The following ADAMTSL3 variants were observed in gnomAD, a reference collection of about 807,000 sequenced individuals.
ADAMTSL3 encodes the protein ADAMTS like 3.
In ADAMTSL3, 128 loss-of-function variants were observed where a neutral mutation model predicts 201.7. That is an observed-to-expected ratio of 0.63 (90% CI 0.55 to 0.73). The LOEUF (loss-of-function observed/expected upper bound fraction) is 0.73, where lower values mean the gene tolerates loss of function less well. ADAMTSL3 is among the 30% of genes least tolerant of loss of function. The probability of loss-of-function intolerance (pLI) is 0.00; values close to 1 mark genes in which losing one functional copy is unlikely to be tolerated. For synonymous variants in ADAMTSL3, 738 were observed against 748.4 expected, an observed-to-expected ratio of 0.99 and a Z score of 0.23; for missense variants, 1,990 against 2,119.6, an observed-to-expected ratio of 0.94 and a Z score of 1.20.
At chr15:83,880,383 G>A (rs941471619) in intron 9 of ADAMTSL3, among the ~76,000 whole-genome samples, 2 of 152,082 alleles carry the variant, frequency 1.3e-5, no homozygotes, top group Non-Finnish European at 2.9e-5. Context: ...CACTGTTTTT[G>A]TAAATAAAGT....
chr15:83,903,962 A>AGGGAGGG (rs2065785648), intron 15 of ADAMTSL3, among the ~76,000 whole-genome samples: 1 of 92,746 alleles, frequency 1.1e-5, no homozygotes, highest in Non-Finnish European at 2.1e-5. Flanking sequence ...GAAAGAAAGA[A>AGGGAGGG]AGAAAGAAAA....
At chr15:83,902,816 T>G (rs1379455454) in intron 15 of ADAMTSL3, among the ~76,000 whole-genome samples, 2 of 152,130 alleles carry the variant, frequency 1.3e-5, no homozygotes, top group Non-Finnish European at 2.9e-5. Flanking sequence ...CCCCTCTTAA[T>G]TGGGAGTGGC....
At chr15:83,959,480 A>G (rs1047053888) in intron 19 of ADAMTSL3, among the ~76,000 whole-genome samples, 3 of 152,346 alleles carry the variant, frequency 2.0e-5, no homozygotes, top group East Asian at 1.9e-4. Context: ...CAAGTCATTT[A>G]TTAGGGAAAG....
intron 9 of ADAMTSL3, among the ~76,000 whole-genome samples, chr15:83,879,257 C>G: frequency 6.6e-6 from 1 of 152,122 alleles, no homozygotes; most frequent in African/African-American, 2.4e-5. Flanking sequence ...TCATTAATAT[C>G]TGCCCCTATC....
chr15:83,855,184 G>C (rs1403532028), intron 7 of ADAMTSL3, among the ~76,000 whole-genome samples: 1 of 152,152 alleles, frequency 6.6e-6, no homozygotes, highest in Non-Finnish European at 1.5e-5. Flanking sequence ...GACCTTCTCA[G>C]GTTGTTTCTG....
rs1397181633 is a variant in ADAMTSL3 at position 83,976,296 on chromosome 15, T to C, written c.2644+5659T>C. Among the ~76,000 whole-genome samples, 6 of 152,138 alleles carry C rather than the reference T, an allele frequency of 3.9e-5. No individual in the cohort carries two copies. The South Asian group carries it at 1.2e-3, about 32-fold the overall frequency. On this transcript the variant is annotated intron_variant, in intron 20 of 29. Coordinates refer to ENST00000286744, the MANE Select transcript of ADAMTSL3 (RefSeq NM_207517.3). ...ATAGTTGCTAGCAGTCTCATTGACT[T>C]GTGTTTCAGGGAGAGGCAGGGCCAG...
chr15:83,902,340 T>C (rs2065742514), intron 15 of ADAMTSL3, among the ~76,000 whole-genome samples: 1 of 152,140 alleles, frequency 6.6e-6, no homozygotes, highest in Non-Finnish European at 1.5e-5. Flanking sequence ...GCGTGATCTC[T>C]GCTCACTGCA....
chr15:83,731,708 A>T (rs754493326), intron 3 of ADAMTSL3, among the ~76,000 whole-genome samples: 1 of 152,048 alleles, frequency 6.6e-6, no homozygotes, highest in Non-Finnish European at 1.5e-5. Context: ...ACATACATAT[A>T]TATAACTATA....
In ADAMTSL3 at chr15:83,858,511, T is replaced by G. The variant is rs541998975; in HGVS notation, c.728-255T>G. Reference sequence around the variant, plus strand: ...CCTCAGCCTCCCGGGTAGCTGGGACTACAGGCACACGCCATCACACCTGGT... The same window carrying G: ...CCTCAGCCTCCCGGGTAGCTGGGACGACAGGCACACGCCATCACACCTGGT... On this transcript the variant is annotated intron_variant, in intron 7 of 29. Transcript: ENST00000286744. Among the ~76,000 whole-genome samples, 37 of 152,316 alleles carry G rather than the reference T, an allele frequency of 2.4e-4. No homozygotes were observed. In the East Asian group the frequency reaches 7.0e-3, roughly 29 times the overall value.
intron 3 of ADAMTSL3, among the ~76,000 whole-genome samples, chr15:83,748,943 A>G (rs2062595765): frequency 6.6e-6 from 1 of 152,126 alleles, no homozygotes; most frequent in Non-Finnish European, 1.5e-5. Context: ...GAGGAGTTTA[A>G]CATGCAAGAT....
At chr15:83,833,721 G>T (rs1322634982) in intron 6 of ADAMTSL3, among the ~76,000 whole-genome samples, 1 of 152,168 alleles carries the variant, frequency 6.6e-6, no homozygotes, top group Non-Finnish European at 1.5e-5. Context: ...GATGATTCAT[G>T]CTTAGATGGC....
chr15:83,944,116 T>C (rs573239996), intron 19 of ADAMTSL3, among the ~76,000 whole-genome samples: 14 of 152,252 alleles, frequency 9.2e-5, no homozygotes, highest in African/African-American at 3.4e-4. Context: ...AACTTACAAA[T>C]TGTTTATTTC....
At chr15:83,664,661 G>A (rs997372150) in intron 2 of ADAMTSL3, among the ~76,000 whole-genome samples, 1 of 152,200 alleles carries the variant, frequency 6.6e-6, no homozygotes, top group African/African-American at 2.4e-5. Context: ...ACATGGCAGC[G>A]TGGAGTATGA....
At chr15:83,719,174 G>C (rs2562783) in intron 3 of ADAMTSL3, among the ~76,000 whole-genome samples, 127,485 of 152,196 alleles carry the variant, frequency 0.84, 53,911 homozygotes, top group East Asian at 0.96. Flanking sequence ...AATTGAGGCT[G>C]CAGATCTAAC....
intron 17 of ADAMTSL3, among the ~76,000 whole-genome samples, chr15:83,927,135 G>A (rs1233925012): frequency 8.6e-6 from 1 of 116,606 alleles, no homozygotes; most frequent in African/African-American, 3.3e-5. Flanking sequence ...TTTTTTTTTT[G>A]AGACGGAGTC....
intron 16 of ADAMTSL3, among the ~76,000 whole-genome samples, chr15:83,913,725 T>C (rs2065977678): frequency 6.6e-6 from 1 of 152,212 alleles, no homozygotes. Flanking sequence ...TAGCCTGGAA[T>C]TGCAATATCT....
At chr15:84,027,571 G>A (rs529262471) in intron 27 of ADAMTSL3, among the ~76,000 whole-genome samples, 3 of 152,054 alleles carry the variant, frequency 2.0e-5, no homozygotes, top group South Asian at 2.1e-4. Context: ...TTAGCTGGGC[G>A]TGGTGGCGGG....
chr15:84,018,116 G>C (rs896388823), intron 25 of ADAMTSL3, among the ~76,000 whole-genome samples: 7 of 152,234 alleles, frequency 4.6e-5, no homozygotes, highest in Admixed American at 4.6e-4. Context: ...AAGGATATGT[G>C]TGAGGCTGAA....
chr15:83,990,027 A>G (rs2067555176), intron 22 of ADAMTSL3, among the ~76,000 whole-genome samples: 1 of 152,184 alleles, frequency 6.6e-6, no homozygotes, highest in Non-Finnish European at 1.5e-5. Context: ...ATGGTCTTTA[A>G]ATAGTCTTTT....
Sources: allele counts gnomAD v4.1 joint callset (sites outside exome capture counted in the v4.1 genomes callset), GRCh38; gene constraint gnomAD v4.1.1; transcripts MANE v1.5; gene names NCBI Gene and HGNC (gene_info 2026-07-23, HGNC 2026-07-21).